EDA: variants seen among roughly 807,000 people sequenced by gnomAD.
The protein encoded by EDA is ectodysplasin-A.
In EDA, 2 loss-of-function variants were observed where a neutral mutation model predicts 23.6. That is an observed-to-expected ratio of 0.08 (90% CI 0.03 to 0.27). The LOEUF (loss-of-function observed/expected upper bound fraction) is 0.27, where lower values mean the gene tolerates loss of function less well. EDA is among the 10% of genes least tolerant of loss of function. The pLI is 1.00. For missense variants in EDA, 229 were observed against 324.2 expected (o/e 0.71, Z 2.26); for synonymous variants, 131 against 132.0 (o/e 0.99, Z 0.05).
At chrX:69,987,317 T>C (rs1478333721) in intron 2 of EDA, among the ~76,000 whole-genome samples, 2 of 86,891 alleles carry the variant, frequency 2.3e-5, no homozygotes, top group African/African-American at 8.7e-5. Context: ...TTTTTAAAAA[T>C]AAATAAATAA....
intron 1 of EDA, among the ~76,000 whole-genome samples, chrX:69,723,219 A>T (rs2012657331): frequency 8.9e-6 from 1 of 112,135 alleles, no homozygotes; most frequent in South Asian, 3.7e-4. Flanking sequence ...AATATTTCAC[A>T]TGCAATTGGT....
At chrX:69,634,436 C>T (rs890035021) in intron 1 of EDA, among the ~76,000 whole-genome samples, 2 of 110,904 alleles carry the variant, frequency 1.8e-5, no homozygotes, top group African/African-American at 6.6e-5. Context: ...CATCAGCCCC[C>T]TAAGTAGCTG....
intron 1 of EDA, among the ~76,000 whole-genome samples, chrX:69,664,307 C>T (rs1034283839): frequency 2.7e-5 from 3 of 111,206 alleles, no homozygotes; most frequent in East Asian, 2.8e-4. Flanking sequence ...GTCTTTTCCA[C>T]GCTGTTCTCT....
chrX:69,879,075 G>T (rs1416645854), intron 1 of EDA, among the ~76,000 whole-genome samples: 2 of 109,807 alleles, frequency 1.8e-5, no homozygotes, highest in Non-Finnish European at 3.8e-5. Flanking sequence ...TTGATTCCGC[G>T]CCGCCCCCTC....
chrX:69,993,165 A>G (rs1000378074), intron 2 of EDA, among the ~76,000 whole-genome samples: 3 of 110,183 alleles, frequency 2.7e-5, no homozygotes, highest in African/African-American at 9.8e-5. Flanking sequence ...CCCTTAATAA[A>G]ACAAAAATAA....
intron 1 of EDA, among the ~76,000 whole-genome samples, chrX:69,694,761 A>G (rs2011276335): frequency 8.9e-6 from 1 of 112,346 alleles, no homozygotes; most frequent in South Asian, 3.6e-4. Context: ...CTAGATTTCT[A>G]TGTATTTTAT....
intron 6 of EDA, among the ~76,000 whole-genome samples, chrX:70,032,846 C>G (rs1251847796): frequency 8.9e-6 from 1 of 112,239 alleles, no homozygotes; most frequent in African/African-American, 3.2e-5. Flanking sequence ...CTAAGGTTCT[C>G]CAGATAGACA....
At chrX:69,935,995 CATATATATATGAGTACATT>C (rs2018669004) in intron 1 of EDA, among the ~76,000 whole-genome samples, 1 of 105,937 alleles carries the variant, frequency 9.4e-6, no homozygotes, top group African/African-American at 3.4e-5. Context: ...TTTATGTACT[CATATATATATGAGTACATT>C]ATATATATAT....
chrX:69,977,712 A>G (rs2019337192), intron 2 of EDA, among the ~76,000 whole-genome samples: 1 of 111,983 alleles, frequency 8.9e-6, no homozygotes, highest in African/African-American at 3.2e-5. Flanking sequence ...TTTGCTATAC[A>G]AAAATGTGTC....
chrX:69,872,783 C>T (rs2017586509), intron 1 of EDA, among the ~76,000 whole-genome samples: 1 of 111,159 alleles, frequency 9.0e-6, no homozygotes, highest in African/African-American at 3.3e-5. Flanking sequence ...ATGAGATACA[C>T]AGCAACATAA....
chrX:69,931,535 T>G (rs1359252602), intron 1 of EDA, among the ~76,000 whole-genome samples: 1 of 110,638 alleles, frequency 9.0e-6, no homozygotes, highest in Non-Finnish European at 1.9e-5. Context: ...AACAAAAAAT[T>G]TAAATGGGTG....
intron 1 of EDA, among the ~76,000 whole-genome samples, chrX:69,792,743 T>C (rs1219468122): frequency 1.8e-5 from 2 of 112,448 alleles, no homozygotes; most frequent in South Asian, 3.7e-4. Flanking sequence ...ATTTCTTTCA[T>C]ATGTTTGTTG....
chrX:69,685,872 T>C (rs1452802709), intron 1 of EDA, among the ~76,000 whole-genome samples: 1 of 112,955 alleles, frequency 8.9e-6, no homozygotes, highest in African/African-American at 3.2e-5. Flanking sequence ...ACAAATAGCA[T>C]TTAGAATTTA....
intron 2 of EDA, among the ~76,000 whole-genome samples, chrX:70,017,549 C>T (rs772097837): frequency 1.8e-5 from 2 of 112,155 alleles, no homozygotes; most frequent in East Asian, 2.8e-4. Flanking sequence ...GTTCAATGTA[C>T]GTAAATCAAT....
chrX:69,899,524 A>C (rs1323624170), intron 1 of EDA, among the ~76,000 whole-genome samples: 1 of 102,732 alleles, frequency 9.7e-6, no homozygotes. Context: ...AATTATTAAC[A>C]GTTGTGTGTG....
intron 1 of EDA, among the ~76,000 whole-genome samples, chrX:69,707,019 GGAGA>G (rs2011755456): frequency 9.0e-6 from 1 of 111,074 alleles, no homozygotes; most frequent in Non-Finnish European, 1.9e-5. Context: ...AGAGAAAGAT[GGAGA>G]GAAAGATAAA....
rs748250245 is a variant in EDA at position 69,732,640 on chromosome X, G to T, written c.396+115936G>T. On this transcript the variant is annotated intron_variant, in intron 1 of 7. Coordinates refer to ENST00000374552, the MANE Select transcript of EDA (RefSeq NM_001399.5). ...AGTAATGGGATGGCTGGGTCAAATG[G>T]TATTTCTAGTTCTAGATCCTTGAGG... Among the ~76,000 whole-genome samples, 4 of 111,886 alleles carry T rather than the reference G, an allele frequency of 3.6e-5. No homozygotes were observed. The East Asian group carries it at 1.1e-3, about 32-fold the overall frequency.
intron 1 of EDA, among the ~76,000 whole-genome samples, chrX:69,907,663 C>T (rs996446460): frequency 9.0e-6 from 1 of 111,587 alleles, no homozygotes; most frequent in African/African-American, 3.3e-5. Flanking sequence ...AGAGCAAGAA[C>T]AAGGAAGAGC....
In EDA at chrX:70,036,661, T is replaced by G. The variant is rs2020272365; in HGVS notation, c.*1052T>G. 8.9e-6 allele frequency: 1 copy of G among 112,973 alleles called. No individual in the cohort carries two copies. Among genetic ancestry groups the G allele is most frequent in the Non-Finnish European group, 1.9e-5 (1 of 53,386 alleles). 9.3% of individuals were successfully genotyped at this position (112,973 alleles called of 1,213,427 possible). On this transcript the variant is annotated 3_prime_UTR_variant, in exon 8 of 8. Coordinates refer to ENST00000374552, the MANE Select transcript of EDA (RefSeq NM_001399.5). ...CCCTTCAATTTCTAGTACCTGTGACTCTTAGCCCTCACCACAGCCTTCTAA... is the reference window on the plus strand; with the variant it reads ...CCCTTCAATTTCTAGTACCTGTGACGCTTAGCCCTCACCACAGCCTTCTAA...
Sources: gnomAD v4.1 joint callset for allele counts (sites outside exome capture counted in the v4.1 genomes callset) on GRCh38, gnomAD v4.1.1 for gene constraint, MANE v1.5 for transcripts, NCBI Gene and HGNC (gene_info 2026-07-23, HGNC 2026-07-21) for gene names.